Variants in FRK observed in about 807,000 individuals in gnomAD.
The protein encoded by FRK is fyn related Src family tyrosine kinase, also known as tyrosine-protein kinase FRK.
FRK carries 51 observed loss-of-function variants against 56.4 expected under a neutral mutation model. The ratio of observed to expected loss-of-function variants is 0.90; its 90% CI spans 0.72 to 1.14. The LOEUF (loss-of-function observed/expected upper bound fraction) is 1.14, where lower values mean the gene tolerates loss of function less well. Among genes scored for constraint, FRK ranks in the 50% most tolerant of loss-of-function variants. FRK has a pLI of 0.00. For synonymous variants in FRK, 245 were observed against 217.9 expected (o/e 1.12, Z -1.10); for missense variants, 570 against 601.4 (o/e 0.95, Z 0.55).
intron 1 of FRK, among the ~76,000 whole-genome samples, chr6:116,027,669 A>C (rs1317988694): frequency 6.6e-6 from 1 of 152,134 alleles, no homozygotes; most frequent in Non-Finnish European, 1.5e-5. Context: ...GAACTATTCA[A>C]AAGTAAAAGG....
At chr6:115,970,145 C>A (rs1395896018) in intron 2 of FRK, among the ~76,000 whole-genome samples, 3 of 147,768 alleles carry the variant, frequency 2.0e-5, no homozygotes, top group East Asian at 3.9e-4. Flanking sequence ...TTTTTTTTTT[C>A]AAAAACAGGA....
intron 2 of FRK, among the ~76,000 whole-genome samples, chr6:115,986,339 G>A (rs1345129386): frequency 6.6e-6 from 1 of 152,072 alleles, no homozygotes; most frequent in Non-Finnish European, 1.5e-5. Flanking sequence ...AAAGGTACAT[G>A]GAGATTACCC....
intron 2 of FRK, among the ~76,000 whole-genome samples, chr6:116,000,774 C>T (rs1372891202): frequency 2.0e-5 from 3 of 152,094 alleles, no homozygotes; most frequent in Non-Finnish European, 4.4e-5. Context: ...AACTATTTAT[C>T]TGTAAGGATG....
Position 115,952,934 on chromosome 6 carries a change from AG to A in FRK, c.958+3517del, listed in dbSNP as rs1260789929. ...CTGGGGACTGTGGTGGGGTGGGGGG[AG>A]GGGGGAGGGATAGCATTGGGAGATA... On this transcript the variant is annotated intron_variant, in intron 5 of 7. Transcript: ENST00000606080. Among the ~76,000 whole-genome samples the A allele has an allele frequency of 2.1e-4, 13 of 62,816 alleles. 1 individual carries two copies. The highest frequency in any genetic ancestry group is 7.8e-4 in the African/African-American group (12 of 15,332). The allele number at this position is 62,816 out of a possible 152,430, so 41.2% of individuals were successfully genotyped here.
At chr6:115,954,177 G>T (rs1030598262) in intron 5 of FRK, among the ~76,000 whole-genome samples, 2 of 152,162 alleles carry the variant, frequency 1.3e-5, no homozygotes, top group Non-Finnish European at 2.9e-5. Context: ...AACGAGTGAG[G>T]CAAAAGCATG....
chr6:115,999,465 A>G (rs1051651542), intron 2 of FRK, among the ~76,000 whole-genome samples: 1 of 152,064 alleles, frequency 6.6e-6, no homozygotes, highest in African/African-American at 2.4e-5. Context: ...ATTAGCACCC[A>G]CCCAACCTTG....
the FRK span, among the ~76,000 whole-genome samples, chr6:116,080,854 C>T: frequency 6.6e-6 from 1 of 152,124 alleles, no homozygotes; most frequent in Non-Finnish European, 1.5e-5. Flanking sequence ...TTGATAATAT[C>T]CATTTTGATA....
chr6:116,003,460 T>C (rs1487810342), intron 2 of FRK, among the ~76,000 whole-genome samples: 2 of 152,312 alleles, frequency 1.3e-5, no homozygotes, highest in Non-Finnish European at 2.9e-5. Flanking sequence ...ATATTTGCAT[T>C]AATCATTTCA....
intron 1 of FRK, among the ~76,000 whole-genome samples, chr6:116,037,051 A>G (rs1776512471): frequency 6.6e-6 from 1 of 152,184 alleles, no homozygotes; most frequent in Non-Finnish European, 1.5e-5. Context: ...AATGTCAGGC[A>G]CACCCAAATG....
chr6:115,991,018 ACC>A (rs1774581726), intron 2 of FRK, among the ~76,000 whole-genome samples: 1 of 151,610 alleles, frequency 6.6e-6, no homozygotes, highest in Non-Finnish European at 1.5e-5. Flanking sequence ...TAGGTATTTT[ACC>A]TTTGTTGTGG....
intron 2 of FRK, among the ~76,000 whole-genome samples, chr6:115,976,146 C>T (rs1392434426): frequency 1.3e-5 from 2 of 152,100 alleles, no homozygotes; most frequent in African/African-American, 2.4e-5. Flanking sequence ...TTTCTTCTAA[C>T]ATGGTAAGGT....
rs574144819 is a variant in FRK, at chr6:115,931,468, A to G, written c.*10946T>C. ...CCCTGTTGCTACATATAAATTAGTC[A>G]TATGTAATATGTGTCACATGTAACT... is the stretch of plus-strand genomic sequence containing the variant. On this transcript the variant is annotated 3_prime_UTR_variant, in exon 8 of 8. Transcript: ENST00000606080. The G allele has an allele frequency of 6.6e-6, 1 of 152,310 alleles. No homozygotes were observed. The highest frequency in any genetic ancestry group is 2.4e-5 in the African/African-American group (1 of 41,588). 9.4% of individuals were successfully genotyped at this position (152,310 alleles called of 1,614,324 possible).
chr6:116,065,874 T>G (rs556417623), upstream of FRK, among the ~76,000 whole-genome samples: 1 of 152,218 alleles, frequency 6.6e-6, no homozygotes, highest in African/African-American at 2.4e-5. Context: ...TTATATCTTA[T>G]GTAGTCTAAT....
At chr6:116,073,911 T>C in the FRK span, among the ~76,000 whole-genome samples, 1 of 152,234 alleles carries the variant, frequency 6.6e-6, no homozygotes, top group Non-Finnish European at 1.5e-5. Context: ...TTCTGGCTCC[T>C]GGCTGCTGCC....
the FRK span, among the ~76,000 whole-genome samples, chr6:116,091,840 C>T: frequency 5.9e-5 from 9 of 152,048 alleles, no homozygotes; most frequent in Admixed American, 1.3e-4. Flanking sequence ...TGGGCTGAGC[C>T]GAGGGTCGAC....
the FRK span, among the ~76,000 whole-genome samples, chr6:116,075,375 G>A: frequency 2.0e-5 from 3 of 149,380 alleles, no homozygotes; most frequent in East Asian, 2.0e-4. Flanking sequence ...AAAGGCTTAC[G>A]AAAATTTTGA....
chr6:116,069,380 T>C, the FRK span, among the ~76,000 whole-genome samples: 122 of 152,288 alleles, frequency 8.0e-4, no homozygotes, highest in African/African-American at 2.9e-3. Context: ...CCAAACTCTA[T>C]GTGCAAAGTA....
At chr6:115,970,685 G>A (rs1374903104) in intron 2 of FRK, among the ~76,000 whole-genome samples, 2 of 152,172 alleles carry the variant, frequency 1.3e-5, no homozygotes, top group East Asian at 1.9e-4. Context: ...AATTGCTTGA[G>A]GCTAGGTCTG....
chr6:116,004,077 A>G (rs1462917676), intron 1 of FRK, 79 bp from the exon 2 acceptor site: 1 of 1,258,992 alleles, frequency 7.9e-7, no homozygotes, highest in East Asian at 2.4e-5. Flanking sequence ...GCAAGATAGT[A>G]TTCTAATATC....
Sources: allele counts gnomAD v4.1 joint callset (sites outside exome capture counted in the v4.1 genomes callset), GRCh38; gene constraint gnomAD v4.1.1; transcripts MANE v1.5; gene names NCBI Gene and HGNC (gene_info 2026-07-23, HGNC 2026-07-21).